The following DECR2 variants were observed in gnomAD, a reference collection of about 807,000 sequenced individuals.
DECR2 encodes peroxisomal 2,4-dienoyl-CoA reductase [(3E)-enoyl-CoA-producing].
In DECR2, 34 loss-of-function variants were observed where a neutral mutation model predicts 29.2. That is an observed-to-expected ratio of 1.16 (90% CI 0.89 to 1.55). The LOEUF is 1.55. Among genes scored for constraint, DECR2 ranks in the 40% most tolerant of loss-of-function variants. The pLI is 0.00. For missense variants in DECR2, 485 were observed against 425.3 expected, an observed-to-expected ratio of 1.14 and a Z score of -1.23; for synonymous variants, 224 against 182.7, an observed-to-expected ratio of 1.23 and a Z score of -1.82.
Position 409,372 on chromosome 16 carries a change from A to G in DECR2, c.338-871A>G, listed in dbSNP as rs189576283. On this transcript the variant is annotated intron_variant, in intron 4 of 8. Coordinates refer to ENST00000219481, the MANE Select transcript of DECR2 (RefSeq NM_020664.4). ...TTTTTACTAGAGATGGGGTTTCACC[A>G]TGTTAGCCAGGATGGTCTCGATCTC... 9.5e-3 allele frequency among the ~76,000 whole-genome samples: 1,417 copies of G among 149,444 alleles called. 23 individuals carry two copies. Among genetic ancestry groups the G allele is most frequent in the African/African-American group, 0.032 (1,306 of 40,544 alleles).
At chr16:405,922 A>G (rs2054718806) in intron 2 of DECR2, among the ~76,000 whole-genome samples, 2 of 152,354 alleles carry the variant, frequency 1.3e-5, no homozygotes, top group East Asian at 3.9e-4. Flanking sequence ...CAGGGTTCAT[A>G]GAGGCCAACG....
intron 1 of DECR2, among the ~76,000 whole-genome samples, chr16:404,683 G>A (rs1197764774): frequency 6.6e-6 from 1 of 151,978 alleles, no homozygotes. Context: ...AGGCTGGAGT[G>A]CAGTGGTGCG....
At chr16:402,106 C>A in intron 1 of DECR2, 63 bp downstream of exon 1, 1 of 1,280,770 alleles carries the variant, frequency 7.8e-7, no homozygotes, top group Non-Finnish European at 1.0e-6. Context: ...GGCGCCGGCG[C>A]CCCCACGTGG....
intron 3 of DECR2, chr16:406,601 G>A (rs2054727213): frequency 1.6e-6 from 1 of 639,048 alleles, no homozygotes; most frequent in Non-Finnish European, 2.7e-6. Flanking sequence ...AGGATCAAGC[G>A]ATTCTCCTGC....
chr16:411,524 C>G lies in DECR2; in HGVS notation c.825C>G (p.Phe275Leu), dbSNP rs745966681. 6.2e-7 allele frequency: 1 copy of G among 1,614,056 alleles called. No homozygotes were observed. The highest frequency in any genetic ancestry group is 8.5e-7 in the Non-Finnish European group (1 of 1,179,988). ...CCGATGGCGGGGCATGGTTGACGTT[C>G]CCAAACGGTGTCAAAGGGCTGCCGG... Reference protein sequence around the residue: ...LVADGGAWLTFPNGVKGLPDF... With the variant: ...LVADGGAWLTLPNGVKGLPDF... Residue 275 changes from phenylalanine (F) to leucine (L), a missense_variant, in exon 8 of 9, where the codon TTC (phenylalanine) becomes TTG (leucine). Coordinates refer to ENST00000219481, the MANE Select transcript of DECR2 (RefSeq NM_020664.4).
At chr16:406,309 G>T in intron 2 of DECR2, 37 bp from the exon 3 acceptor site, 1 of 1,599,444 alleles carries the variant, frequency 6.3e-7, no homozygotes, top group Non-Finnish European at 8.5e-7. Context: ...AGTGCCCCTC[G>T]CCCACACTGC....
At chr16:404,834 T>C (rs2054705950) in intron 1 of DECR2, 122 bp from the exon 2 acceptor site, 1 of 878,088 alleles carries the variant, frequency 1.1e-6, no homozygotes, top group Non-Finnish European at 1.8e-6. Flanking sequence ...TTTACCATAT[T>C]GTCCAAGCTG....
chr16:407,297 G>A (rs2054736651), intron 3 of DECR2, 128 bp from the exon 4 acceptor site: 1 of 1,471,782 alleles, frequency 6.8e-7, no homozygotes, highest in Non-Finnish European at 8.9e-7. Context: ...TGCTTCCCCA[G>A]AGTGGGGTCC....
chr16:406,952 T>C (rs1227424940), intron 3 of DECR2: 7 of 1,024,380 alleles, frequency 6.8e-6, no homozygotes, highest in Non-Finnish European at 8.2e-6. Context: ...GGAGCTTCAG[T>C]GTAAGTGGCC....
intron 2 of DECR2, among the ~76,000 whole-genome samples, chr16:406,120 G>A (rs1464751257): frequency 1.3e-5 from 2 of 152,200 alleles, no homozygotes; most frequent in Non-Finnish European, 1.5e-5. Context: ...GGCAGGACCC[G>A]CAGGCCTGTG....
At chr16:407,269 G>A (rs2054736155) in intron 3 of DECR2, 156 bp from the exon 4 acceptor site, 34 of 1,440,646 alleles carry the variant, frequency 2.4e-5, no homozygotes, top group Admixed American at 2.7e-5. Context: ...CACTGGGGTC[G>A]TGGGCACTTG....
At position 408,030 on chromosome 16, in the gene DECR2, C is replaced by T. The variant is rs113723219; in HGVS notation, c.337+470C>T. 2.8e-4 allele frequency among the ~76,000 whole-genome samples: 7 copies of T among 24,884 alleles called. 1 individual carries two copies. The highest frequency in any genetic ancestry group is 7.1e-4 in the African/African-American group (4 of 5,634). 16.3% of individuals were successfully genotyped at this position (24,884 alleles called of 152,430 possible). ...GTCTCCGGCCCCCTGTCTCCGGGCCCCTGTCTCCGGGCCTCTGTCTCCGGC... is the reference window on the plus strand; with the variant it reads ...GTCTCCGGCCCCCTGTCTCCGGGCCTCTGTCTCCGGGCCTCTGTCTCCGGC... On this transcript the variant is annotated intron_variant, in intron 4 of 8. Coordinates refer to ENST00000219481, the MANE Select transcript of DECR2 (RefSeq NM_020664.4).
chr16:410,416 G>T lies in DECR2; in HGVS notation c.462+49G>T. On this transcript the variant is annotated intron_variant, in intron 5 of 8. Coordinates refer to ENST00000219481, the MANE Select transcript of DECR2 (RefSeq NM_020664.4). This position sits in a 1 kb window ranked among gnomAD's most constrained non-coding sequence, Gnocchi z 4.1. The stretch of plus-strand genomic sequence containing the variant: ...AGAAGTTCTTCCGGGTGGGTGCCTC[G>T]TGCGCTCTGTGAGAAGTTCTTCCGG... The T allele has an allele frequency of 6.3e-7, 1 of 1,586,524 alleles. No homozygotes were observed.
chr16:407,581 G>C (rs747036247), intron 4 of DECR2, 21 bp downstream of exon 4: 4 of 1,612,848 alleles, frequency 2.5e-6, no homozygotes, highest in Non-Finnish European at 3.4e-6. Context: ...GCTGAGTGAG[G>C]TTGGTGGCTT....
chr16:409,195 A>G (rs1183979735), intron 4 of DECR2, among the ~76,000 whole-genome samples: 1 of 145,796 alleles, frequency 6.9e-6, no homozygotes, highest in Non-Finnish European at 1.5e-5. Context: ...ATTTTTTGAG[A>G]GAGTCTTGCT....
intron 1 of DECR2, among the ~76,000 whole-genome samples, chr16:404,306 T>C (rs2054700304): frequency 6.6e-6 from 1 of 151,956 alleles, no homozygotes; most frequent in Admixed American, 6.5e-5. Flanking sequence ...TGGCGCAATT[T>C]TGGCTCACCA....
intron 1 of DECR2, among the ~76,000 whole-genome samples, chr16:402,259 C>G (rs1597193794): frequency 6.6e-6 from 1 of 151,858 alleles, no homozygotes; most frequent in East Asian, 1.9e-4. Context: ...ACTGCAAACT[C>G]TGCCTCCCGG....
rs1455961456 is a variant in DECR2, at chr16:411,160, G to C, written c.661+84G>C. 4 of 1,358,660 alleles carry C rather than the reference G, an allele frequency of 2.9e-6. No homozygotes were observed. The African/African-American group carries it at 5.9e-5, about 20-fold the overall frequency. The allele number at this position is 1,358,660 out of a possible 1,614,324, so 84.2% of individuals were successfully genotyped here. A position where few individuals can be genotyped will look rare whatever the true frequency, so the allele number is the denominator to read the frequency against. ...CATGAAGCTTCCAGAACCTTGGCAG[G>C]GTGTATGTTGAAAAGCCCTGTGCTG... On this transcript the variant is annotated intron_variant, in intron 7 of 8. Transcript: ENST00000219481.
chr16:402,940 G>C, intron 1 of DECR2: 1 of 724,086 alleles, frequency 1.4e-6, no homozygotes, highest in Non-Finnish European at 1.7e-6. Flanking sequence ...AGCCGAGATC[G>C]CACCATTGCA....
Sources: allele counts gnomAD v4.1 joint callset (sites outside exome capture counted in the v4.1 genomes callset), GRCh38; gene constraint gnomAD v4.1.1; non-coding constraint Gnocchi (gnomAD v3.1); transcripts MANE v1.5; gene names NCBI Gene and HGNC (gene_info 2026-07-23, HGNC 2026-07-21).